The following LTBP1 variants were observed in gnomAD, a reference collection of about 807,000 sequenced individuals.
LTBP1 encodes the protein latent transforming growth factor beta binding protein 1, also known as latent-transforming growth factor beta-binding protein 1.
Under a neutral mutation model 207.6 loss-of-function variants are expected in LTBP1, and 129 were observed. The observed-to-expected ratio is 0.62, with a 90% CI of 0.54 to 0.72. LTBP1 has a LOEUF of 0.72. LTBP1 is among the 30% of genes least tolerant of loss of function. The pLI is 0.00. For missense variants in LTBP1, 2,281 were observed against 2,217.2 expected (o/e 1.03, Z -0.58); for synonymous variants, 963 against 833.7 (o/e 1.16, Z -2.67).
At chr2:33,060,880 T>A (rs769577031) in intron 3 of LTBP1, among the ~76,000 whole-genome samples, 35 of 152,174 alleles carry the variant, frequency 2.3e-4, no homozygotes, top group Non-Finnish European at 4.4e-4. Context: ...TTTTCAAAAA[T>A]TAAAAATTAT....
At chr2:33,275,652 C>T (rs1573560505) in intron 17 of LTBP1, 149 bp from the exon 18 acceptor site, 2 of 922,472 alleles carry the variant, frequency 2.2e-6, no homozygotes, top group East Asian at 6.1e-5. Flanking sequence ...CCATTGCACT[C>T]CAGCCTGGGC....
At chr2:33,395,627 G>A (rs2095351471) in intron 32 of LTBP1, among the ~76,000 whole-genome samples, 1 of 151,150 alleles carries the variant, frequency 6.6e-6, no homozygotes, top group African/African-American at 2.4e-5. Flanking sequence ...TTGTCTTCAT[G>A]TTGACCTCAG....
chr2:32,964,700 C>G (rs1679671504), intron 2 of LTBP1, among the ~76,000 whole-genome samples: 1 of 151,832 alleles, frequency 6.6e-6, no homozygotes, highest in Non-Finnish European at 1.5e-5. Context: ...TACCTAAATA[C>G]TAAGTAAATC....
chr2:32,985,461 A>T (rs1683409816), intron 2 of LTBP1, among the ~76,000 whole-genome samples: 2 of 152,204 alleles, frequency 1.3e-5, no homozygotes, highest in African/African-American at 4.8e-5. Context: ...TGTCTCCTAG[A>T]GGAGCTCAGT....
chr2:33,130,730 C>T (rs1369457627), intron 4 of LTBP1, among the ~76,000 whole-genome samples: 1 of 152,054 alleles, frequency 6.6e-6, no homozygotes, highest in African/African-American at 2.4e-5. Flanking sequence ...ACGCTGCAGA[C>T]AGGATGTTGA....
chr2:33,350,868 G>C (rs1362686017), intron 26 of LTBP1, among the ~76,000 whole-genome samples: 1 of 152,164 alleles, frequency 6.6e-6, no homozygotes, highest in Non-Finnish European at 1.5e-5. Flanking sequence ...GCAGCCTTCA[G>C]ACCTTACCCA....
intron 31 of LTBP1, among the ~76,000 whole-genome samples, chr2:33,384,618 T>C (rs1040184561): frequency 3.9e-5 from 6 of 152,222 alleles, no homozygotes; most frequent in Non-Finnish European, 8.8e-5. Context: ...CAAGGGTGTT[T>C]TGGAGAAAGA....
chr2:33,299,467 T>C (rs2093943007), intron 20 of LTBP1, among the ~76,000 whole-genome samples: 1 of 152,220 alleles, frequency 6.6e-6, no homozygotes, highest in African/African-American at 2.4e-5. Flanking sequence ...TTAGGGCTCC[T>C]TTCTCCTCCT....
chr2:33,149,230 A>AAC (rs1558707319), intron 5 of LTBP1, among the ~76,000 whole-genome samples: 4 of 130,904 alleles, frequency 3.1e-5, no homozygotes, highest in African/African-American at 8.4e-5. Flanking sequence ...CAAAAAAACA[A>AAC]AAAAAAAAAA....
At chr2:33,332,649 C>A (rs543630048) in intron 24 of LTBP1, among the ~76,000 whole-genome samples, 1 of 151,814 alleles carries the variant, frequency 6.6e-6, no homozygotes, top group South Asian at 2.1e-4. Flanking sequence ...CTCCACCTCC[C>A]GGGTTCACGC....
chr2:33,010,515 A>C (rs928118032), intron 2 of LTBP1, among the ~76,000 whole-genome samples: 1 of 152,140 alleles, frequency 6.6e-6, no homozygotes, highest in African/African-American at 2.4e-5. Context: ...GCTAGGAGAG[A>C]GGACTTGAAA....
At chr2:33,351,276 A>G (rs148249936) in intron 26 of LTBP1, among the ~76,000 whole-genome samples, 10 of 152,330 alleles carry the variant, frequency 6.6e-5, no homozygotes, top group Non-Finnish European at 8.8e-5. Flanking sequence ...TGAGGCCCAG[A>G]GAAACATCTG....
At chr2:33,201,776 GAA>G (rs1025556431) in intron 7 of LTBP1, among the ~76,000 whole-genome samples, 1 of 152,150 alleles carries the variant, frequency 6.6e-6, no homozygotes, top group African/African-American at 2.4e-5. Flanking sequence ...AAATCATTGT[GAA>G]AACTCTTTTT....
chr2:32,961,807 G>A (rs919643452), intron 2 of LTBP1, among the ~76,000 whole-genome samples: 3 of 152,186 alleles, frequency 2.0e-5, no homozygotes, highest in South Asian at 2.1e-4. Flanking sequence ...TTAGCCGGGC[G>A]TGGTGGTGGG....
At chr2:33,174,306 A>T (rs1284689232) in intron 5 of LTBP1, among the ~76,000 whole-genome samples, 1 of 151,578 alleles carries the variant, frequency 6.6e-6, no homozygotes, top group East Asian at 1.9e-4. Context: ...ACTTCAGCAA[A>T]GTCTCAGGAT....
chr2:32,998,512 TAAAAAAAAAAAAAAAAAAAA>T (rs769287082), intron 2 of LTBP1, among the ~76,000 whole-genome samples: 1 of 29,236 alleles, frequency 3.4e-5, no homozygotes, highest in Non-Finnish European at 7.4e-5. Flanking sequence ...GACTCCATCT[TAAAAAAAAAAAAAAAAAAAA>T]AAAAAAAAAA....
intron 10 of LTBP1, among the ~76,000 whole-genome samples, chr2:33,250,838 G>T (rs2092662442): frequency 6.6e-6 from 1 of 152,092 alleles, no homozygotes; most frequent in Non-Finnish European, 1.5e-5. Flanking sequence ...ATCACAGCTG[G>T]CACTCACCTG....
chr2:33,270,369 C>T (rs1164141160), intron 15 of LTBP1, among the ~76,000 whole-genome samples: 3 of 151,806 alleles, frequency 2.0e-5, no homozygotes, highest in African/African-American at 7.3e-5. Flanking sequence ...GTGGGTGGAT[C>T]GCAAGGTCAA....
rs373396220 is a variant in LTBP1 at position 33,371,398 on chromosome 2, A to T, written c.4711+5895A>T. Reference sequence around the variant, plus strand: ...TGGGTGGCTAAACTGTTTTGGGAGGATCCTCAAATTTGTGGTCTTTATTGT... The same window carrying T: ...TGGGTGGCTAAACTGTTTTGGGAGGTTCCTCAAATTTGTGGTCTTTATTGT... On this transcript the variant is annotated intron_variant, in intron 31 of 33. Coordinates refer to ENST00000404816, the MANE Select transcript of LTBP1 (RefSeq NM_206943.4). Among the ~76,000 whole-genome samples, 65 of 152,206 alleles carry T rather than the reference A, an allele frequency of 4.3e-4. No homozygotes were observed. In the South Asian group the frequency reaches 0.012, roughly 29 times the overall value.
Sources: gnomAD v4.1 joint callset for allele counts (sites outside exome capture counted in the v4.1 genomes callset) on GRCh38, gnomAD v4.1.1 for gene constraint, MANE v1.5 for transcripts, NCBI Gene and HGNC (gene_info 2026-07-23, HGNC 2026-07-21) for gene names.